WDR81: variants seen among roughly 807,000 people sequenced by gnomAD.
WDR81 encodes WD repeat-containing protein 81.
Under a neutral mutation model 140.8 loss-of-function variants are expected in WDR81, and 92 were observed. The observed-to-expected ratio is 0.65, with a 90% CI of 0.55 to 0.78. The LOEUF is 0.78. Ranked by LOEUF, WDR81 falls within the 30% of genes least tolerant of loss-of-function variation. The pLI, the probability that WDR81 is intolerant of heterozygous loss-of-function variation, is 0.00. For missense variants in WDR81, 2,502 were observed against 2,636.4 expected (o/e 0.95, Z 1.12); for synonymous variants, 1,183 against 1,156.4 (o/e 1.02, Z -0.47).
Position 1,725,791 on chromosome 17 carries a change from G to A in WDR81, c.832G>A (p.Gly278Arg), listed in dbSNP as rs1171412829. ...GGCTATGGACGCCTGTCACCGCCAG[G>A]GGCTGGCGTGTGGGGCCCTGTCTTT... ...LRAMDACHRQ[G>R]LACGALSLYH... The change falls in exon 1 of 10, where the codon GGG (glycine) becomes AGG (arginine). Residue 278 changes from glycine to arginine, a missense_variant. Physicochemically the swap from Gly to Arg is moderately radical, Grantham distance 125 (BLOSUM62 -2). Coordinates refer to ENST00000409644, the MANE Select transcript of WDR81 (RefSeq NM_001163809.2). 1 of 1,550,704 alleles carries A rather than the reference G, an allele frequency of 6.4e-7. No individual in the cohort carries two copies. Among genetic ancestry groups the A allele is most frequent in the Non-Finnish European group, 8.7e-7 (1 of 1,147,014 alleles).
chr17:1,728,872 G>A (rs771246406), intron 1 of WDR81, among the ~76,000 whole-genome samples: 5 of 152,108 alleles, frequency 3.3e-5, no homozygotes, highest in Non-Finnish European at 7.4e-5. Context: ...AGAATGGCGT[G>A]AACCCGGGAG....
At position 1,725,882 on chromosome 17, in the gene WDR81, G is replaced by A. The variant is rs1915209339; in HGVS notation, c.923G>A (p.Arg308Lys). 1.9e-6 allele frequency: 3 copies of A among 1,550,718 alleles called. No individual in the cohort carries two copies. The highest frequency in any genetic ancestry group is 1.4e-5 in the African/African-American group (1 of 73,058). The change falls in exon 1 of 10, where the codon AGG (arginine) becomes AAG (lysine). Residue 308 changes from arginine to lysine, a missense_variant. Coordinates refer to ENST00000409644, the MANE Select transcript of WDR81 (RefSeq NM_001163809.2). ...CGACTGGACCTGAGTGCTTATGAGA[G>A]GCCCGAGGAGGACGAGAATGAGGAG... ...ELRLDLSAYE[R>K]PEEDENEEAP...
chr17:1,734,353 G>C (rs1482370941), intron 7 of WDR81, 137 bp downstream of exon 7: 3 of 1,051,644 alleles, frequency 2.9e-6, no homozygotes, highest in Non-Finnish European at 4.0e-6. Context: ...AGAACAGTTA[G>C]GGCTTCGAAT....
intron 1 of WDR81, among the ~76,000 whole-genome samples, chr17:1,719,228 ATTTCAACAT>A (rs1234075466): frequency 6.6e-6 from 1 of 152,194 alleles, no homozygotes; most frequent in East Asian, 1.9e-4. Flanking sequence ...TGTTGTAGGG[ATTTCAACAT>A]TTAAAAATAT....
chr17:1,729,762 A>G (rs895581688), intron 1 of WDR81, among the ~76,000 whole-genome samples: 1 of 152,058 alleles, frequency 6.6e-6, no homozygotes. Context: ...GGAGATTGAG[A>G]CCATCCTGGC....
At chr17:1,720,265 C>T (rs975750760), upstream of WDR81, among the ~76,000 whole-genome samples, 2 of 152,130 alleles carry the variant, frequency 1.3e-5, no homozygotes, top group African/African-American at 4.8e-5. Context: ...CCAAGGGGAG[C>T]GGCTAATTTG....
chr17:1,727,810 A>G lies in WDR81; in HGVS notation c.2851A>G (p.Lys951Glu), dbSNP rs1915392572. The change falls in exon 1 of 10, where the codon AAG (lysine) becomes GAG (glutamate). Residue 951 changes from lysine to glutamate, a missense_variant. Physicochemically the swap from Lys to Glu is moderately conservative, Grantham distance 56. Transcript: ENST00000409644. ...TAWYLFEPVA[K>E]ALGPKNANKY... ...CTGGTATCTGTTTGAGCCTGTTGCC[A>G]AGGCACTGGGCCCCAAAAATGCCAA... 2 of 1,550,536 alleles carry G rather than the reference A, an allele frequency of 1.3e-6. No homozygotes were observed. Among genetic ancestry groups the G allele is most frequent in the South Asian group, 1.2e-5 (1 of 84,064 alleles).
chr17:1,716,714 C>G, intron 1 of WDR81: 1 of 1,452,828 alleles, frequency 6.9e-7, no homozygotes, highest in South Asian at 1.2e-5. Flanking sequence ...TTGTTGGAGT[C>G]GTGAGTGCTT....
At position 1,727,462 on chromosome 17, in the gene WDR81, A is replaced by C; in HGVS notation, c.2503A>C (p.Met835Leu). The change falls in exon 1 of 10, where the codon ATG becomes CTG. Residue 835 changes from methionine to leucine, a missense_variant. By Grantham distance (15) the Met-to-Leu change is conservative. This residue lies in a region of WDR81 where 1,737 missense variants were observed against 1,843.0 expected (regional missense o/e 0.94). Transcript: ENST00000409644. ...GCAGATGAGTGGCCCCGAAGTCCCCATGGGAGCAGAGAGGGGCAAGCTGGA... is the reference window on the plus strand; with the variant it reads ...GCAGATGAGTGGCCCCGAAGTCCCCCTGGGAGCAGAGAGGGGCAAGCTGGA... ...LLQMSGPEVP[M>L]GAERGKLDQL... The C allele has an allele frequency of 6.5e-7, 1 of 1,550,346 alleles. No homozygotes were observed. The highest frequency in any genetic ancestry group is 8.7e-7 in the Non-Finnish European group (1 of 1,146,978).
intron 2 of WDR81, 98 bp from the exon 3 acceptor site, chr17:1,730,657 C>T: frequency 6.8e-7 from 1 of 1,465,752 alleles, no homozygotes; most frequent in South Asian, 1.3e-5. Context: ...GCTGGGCCCC[C>T]AGCTAGAGTG....
upstream of WDR81, among the ~76,000 whole-genome samples, chr17:1,721,804 A>G (rs1270813661): frequency 6.7e-6 from 1 of 148,408 alleles, no homozygotes; most frequent in Non-Finnish European, 1.5e-5. Context: ...CCTGGGCAAC[A>G]GAGTGAGACT....
Position 1,725,108 on chromosome 17 carries a change from G to T in WDR81, c.149G>T (p.Gly50Val). 1 of 1,512,546 alleles carries T rather than the reference G, an allele frequency of 6.6e-7. No homozygotes were observed. Among genetic ancestry groups the T allele is most frequent in the South Asian group, 1.2e-5 (1 of 80,932 alleles). 93.7% of individuals were successfully genotyped at this position (1,512,546 alleles called of 1,614,324 possible). A position where few individuals can be genotyped will look rare whatever the true frequency, so the allele number is the denominator to read the frequency against. ...CCCAGGCAGCTGGCTCCGGCCCCGG[G>T]GGGCACCCACGTGGTGGCCCTAGTG... ...IDPRQLAPAP[G>V]GTHVVALVPA... Residue 50 changes from glycine to valine, a missense_variant, in exon 1 of 10, where the codon GGG (glycine) becomes GTG (valine). Physicochemically the swap from Gly to Val is moderately radical, Grantham distance 109. Transcript: ENST00000409644.
At chr17:1,724,697 C>G, upstream of WDR81, 2 of 1,077,242 alleles carry the variant, frequency 1.9e-6, no homozygotes, top group Non-Finnish European at 2.2e-6. Flanking sequence ...ATCACGTGAC[C>G]CGCGTCAGCT....
chr17:1,735,747 G>A lies in WDR81; in HGVS notation c.5325+30G>A, dbSNP rs200744215. The A allele has an allele frequency of 1.8e-4, 281 of 1,583,282 alleles. 2 individuals carry two copies. Among genetic ancestry groups the A allele is most frequent in the Admixed American group, 1.2e-3 (66 of 55,214 alleles). On this transcript the variant is annotated intron_variant, in intron 8 of 9. Transcript: ENST00000409644. The surrounding 1 kb of genome is among the most constrained non-coding windows in gnomAD (Gnocchi z 4.2). ...GGGGGGTCCAGTTCCCTGAGCACTC[G>A]CCTGGTTCTCTGGGGACCTGGCAAG...
In WDR81 at chr17:1,733,543, A is replaced by G. The variant is rs770622433; in HGVS notation, c.4506A>G (p.Lys1502=). 9 of 1,516,728 alleles carry G rather than the reference A, an allele frequency of 5.9e-6. No homozygotes were observed. The South Asian group carries it at 9.3e-5, about 16-fold the overall frequency. 94.0% of individuals were successfully genotyped at this position (1,516,728 alleles called of 1,614,324 possible). The change falls in exon 7 of 10, where the codon AAA becomes AAG. Residue 1502 remains lysine, a synonymous_variant. Coordinates refer to ENST00000409644, the MANE Select transcript of WDR81 (RefSeq NM_001163809.2). ...FSCLLGDIIR[K]IIPNHELVGE... ...CCTATCCAGGTGACATCATCCGGAA[A>G]ATCATCCCCAACCACGAGCTGGTTG...
In WDR81 at chr17:1,727,868, A is replaced by C; in HGVS notation, c.2909A>C (p.Tyr970Ser). Reference protein sequence around the residue: ...KYLLKPLIGAYESPCQLHGRF... With the variant: ...KYLLKPLIGASESPCQLHGRF... ...CTCCTGAAGCCGCTCATTGGTGCCTACGAGAGCCCCTGCCAGCTACACGGC... is the reference window on the plus strand; with the variant it reads ...CTCCTGAAGCCGCTCATTGGTGCCTCCGAGAGCCCCTGCCAGCTACACGGC... Residue 970 changes from tyrosine to serine, a missense_variant, in exon 1 of 10, where the codon TAC (tyrosine) becomes TCC (serine). Around this residue, in one of 3 missense-constraint regions of WDR81, gnomAD observed 1,737 missense variants for 1,843.0 expected, o/e 0.94. Transcript: ENST00000409644. 6.4e-7 allele frequency: 1 copy of C among 1,550,722 alleles called. No individual in the cohort carries two copies. Among genetic ancestry groups the C allele is most frequent in the Non-Finnish European group, 8.7e-7 (1 of 1,147,072 alleles).
rs1163712240 is a variant in WDR81 at position 1,726,709 on chromosome 17, T to C, written c.1750T>C (p.Phe584Leu). The C allele has an allele frequency of 3.2e-6, 5 of 1,549,058 alleles. No homozygotes were observed. The highest frequency in any genetic ancestry group is 4.4e-6 in the Non-Finnish European group (5 of 1,146,878). ...HLASYGVVQL[F>L]DQPHPQRLAG... ...GGCCAGCTACGGGGTGGTGCAGCTCTTCGATCAGCCACACCCCCAGCGCCT... is the reference window on the plus strand; with the variant it reads ...GGCCAGCTACGGGGTGGTGCAGCTCCTCGATCAGCCACACCCCCAGCGCCT... The change falls in exon 1 of 10, where the codon TTC becomes CTC. Residue 584 changes from phenylalanine (F) to leucine (L), a missense_variant. Coordinates refer to ENST00000409644, the MANE Select transcript of WDR81 (RefSeq NM_001163809.2).
At chr17:1,734,759 A>C (rs1396224499) in intron 7 of WDR81, among the ~76,000 whole-genome samples, 2 of 147,784 alleles carry the variant, frequency 1.4e-5, no homozygotes, top group East Asian at 4.1e-4. Flanking sequence ...AGCCCGGGCA[A>C]CAGAGCGAGA....
chr17:1,733,859 C>G lies in WDR81; in HGVS notation c.4822C>G (p.Arg1608Gly), dbSNP rs769110233. ...CAACGCCCTGAAGCAGGAGCTGCCG[C>G]GGAGCGTGCACGGGCTGAGCGGAAA... ...DDNALKQELP[R>G]SVHGLSGNWL... is the part of the protein sequence containing the mutation. Residue 1608 changes from arginine (R) to glycine (G), a missense_variant, in exon 7 of 10, where the codon CGG (arginine) becomes GGG (glycine). Transcript: ENST00000409644. 25 of 1,612,618 alleles carry G rather than the reference C, an allele frequency of 1.6e-5. No homozygotes were observed. Among genetic ancestry groups the G allele is most frequent in the Non-Finnish European group, 2.0e-5 (24 of 1,179,934 alleles).
Sources: allele counts gnomAD v4.1 joint callset (sites outside exome capture counted in the v4.1 genomes callset), GRCh38; gene constraint gnomAD v4.1.1; regional missense constraint gnomAD v4.1.1; non-coding constraint Gnocchi (gnomAD v3.1); transcripts MANE v1.5; gene names NCBI Gene and HGNC (gene_info 2026-07-23, HGNC 2026-07-21).